KIF11: variants seen among roughly 807,000 people sequenced by gnomAD.
KIF11 encodes the protein kinesin-like protein KIF11.
In KIF11, 9 loss-of-function variants were observed where a neutral mutation model predicts 121.0. The ratio of observed to expected loss-of-function variants is 0.07; its 90% CI spans 0.04 to 0.13. KIF11 has a LOEUF of 0.13. Ranked by LOEUF, KIF11 falls within the 10% of genes least tolerant of loss-of-function variation. The probability of loss-of-function intolerance (pLI) is 1.00; values close to 1 mark genes in which losing one functional copy is unlikely to be tolerated. For synonymous variants in KIF11, 408 were observed against 421.0 expected, an observed-to-expected ratio of 0.97 and a Z score of 0.38; for missense variants, 846 against 1,217.5, an observed-to-expected ratio of 0.69 and a Z score of 4.54.
At chr10:92,602,833 T>TACACAC (rs770378243) in intron 1 of KIF11, among the ~76,000 whole-genome samples, 73 of 119,016 alleles carry the variant, frequency 6.1e-4, no homozygotes, top group African/African-American at 2.4e-3. Flanking sequence ...CACGTGTGTG[T>TACACAC]GTGTGTGTGT....
At chr10:92,640,309 C>CT (rs111724413) in intron 17 of KIF11, among the ~76,000 whole-genome samples, 13,391 of 152,302 alleles carry the variant, frequency 0.088, 677 homozygotes, top group Middle Eastern at 0.11. Context: ...CTTTGGCTGC[C>CT]TTTGCACTGC....
At chr10:92,628,715 A>G in intron 10 of KIF11, 93 bp from the exon 11 acceptor site, 1 of 612,306 alleles carries the variant, frequency 1.6e-6, no homozygotes, top group Non-Finnish European at 2.8e-6. Flanking sequence ...GTTGGAAATG[A>G]GTTTGTGTAG....
chr10:92,636,955 C>T (rs989032580), intron 14 of KIF11, among the ~76,000 whole-genome samples: 9 of 149,156 alleles, frequency 6.0e-5, no homozygotes, highest in Non-Finnish European at 1.2e-4. Context: ...ATCACTTGAA[C>T]CCAGGAGGCA....
chr10:92,599,670 T>C (rs1301658426), intron 1 of KIF11, among the ~76,000 whole-genome samples: 1 of 150,588 alleles, frequency 6.6e-6, no homozygotes, highest in African/African-American at 2.4e-5. Context: ...TTTTTTTTTT[T>C]TGAGATGGAG....
At chr10:92,608,459 G>C (rs997056515) in intron 4 of KIF11, among the ~76,000 whole-genome samples, 12 of 148,548 alleles carry the variant, frequency 8.1e-5, no homozygotes, top group African/African-American at 3.0e-4. Context: ...TTTTTTTTGA[G>C]ACGGAGTCTC....
chr10:92,621,276 G>A (rs1298027377), intron 9 of KIF11, 109 bp from the exon 10 acceptor site: 2 of 556,606 alleles, frequency 3.6e-6, no homozygotes, highest in Non-Finnish European at 6.4e-6. Flanking sequence ...ACTTCTTTAA[G>A]TTTTAAAAGA....
chr10:92,606,771 TTTG>T (rs1333816092), intron 3 of KIF11, 55 bp downstream of exon 3: 12 of 910,126 alleles, frequency 1.3e-5, no homozygotes, highest in Non-Finnish European at 2.2e-5. Context: ...GCTTGTGTTT[TTTG>T]TTGTTGTTTG....
At chr10:92,637,792 C>T (rs1844823371) in intron 16 of KIF11, among the ~76,000 whole-genome samples, 3 of 152,150 alleles carry the variant, frequency 2.0e-5, no homozygotes, top group Non-Finnish European at 4.4e-5. Flanking sequence ...GTCCTTTTCT[C>T]ACATCAAGAT....
chr10:92,606,449 T>C (rs766396764), intron 2 of KIF11, 52 bp downstream of exon 2: 11 of 1,446,552 alleles, frequency 7.6e-6, no homozygotes, highest in Non-Finnish European at 1.0e-5. Context: ...ATAATTTTAA[T>C]ATACATATTT....
intron 8 of KIF11, among the ~76,000 whole-genome samples, chr10:92,615,399 C>T (rs553041632): frequency 3.7e-4 from 56 of 151,964 alleles, no homozygotes; most frequent in African/African-American, 1.3e-3. Context: ...GAGTGAGACT[C>T]TGTCTCAAAA....
chr10:92,614,065 C>CACACACACACACATAT (rs1491391031), intron 8 of KIF11, among the ~76,000 whole-genome samples: 2 of 116,586 alleles, frequency 1.7e-5, no homozygotes, highest in African/African-American at 7.1e-5. Flanking sequence ...CACACACACA[C>CACACACACACACATAT]ATATAGTAGG....
intron 17 of KIF11, among the ~76,000 whole-genome samples, chr10:92,641,194 T>G (rs1202290477): frequency 6.6e-6 from 1 of 152,248 alleles, no homozygotes; most frequent in Non-Finnish European, 1.5e-5. Flanking sequence ...TTAAAAATTT[T>G]TATAAAACAT....
chr10:92,637,337 C>T (rs765551464), intron 15 of KIF11, 28 bp downstream of exon 15: 1 of 1,582,144 alleles, frequency 6.3e-7, no homozygotes, highest in African/African-American at 1.4e-5. Flanking sequence ...CTTAATATCT[C>T]AAAATTGATG....
intron 11 of KIF11, 37 bp from the exon 12 acceptor site, chr10:92,630,139 C>A (rs1844720607): frequency 9.3e-7 from 1 of 1,074,604 alleles, no homozygotes; most frequent in Non-Finnish European, 1.3e-6. Context: ...AGATATCCTA[C>A]CAGCCAGCTC....
chr10:92,615,798 T>G (rs920993835), intron 8 of KIF11, among the ~76,000 whole-genome samples: 2 of 152,140 alleles, frequency 1.3e-5, no homozygotes, highest in African/African-American at 4.8e-5. Context: ...TTATTCCTTT[T>G]TACAGGTGAA....
At chr10:92,647,299 C>T (rs1426900177) in intron 18 of KIF11, among the ~76,000 whole-genome samples, 1 of 151,786 alleles carries the variant, frequency 6.6e-6, no homozygotes, top group Non-Finnish European at 1.5e-5. Flanking sequence ...AAACAATAAC[C>T]TGTATATCAA....
At chr10:92,593,856 T>C (rs1844261327) in intron 1 of KIF11, among the ~76,000 whole-genome samples, 1 of 152,206 alleles carries the variant, frequency 6.6e-6, no homozygotes, top group South Asian at 2.1e-4. Flanking sequence ...GATGCAATAT[T>C]TTCTGCATCC....
At chr10:92,634,419 G>A (rs1218985059) in intron 14 of KIF11, among the ~76,000 whole-genome samples, 11 of 151,844 alleles carry the variant, frequency 7.2e-5, no homozygotes, top group African/African-American at 2.7e-4. Flanking sequence ...ATAGGCATGT[G>A]CCACCACGCC....
At chr10:92,651,699 T>C (rs1011113025) in intron 21 of KIF11, among the ~76,000 whole-genome samples, 2 of 151,418 alleles carry the variant, frequency 1.3e-5, no homozygotes, top group African/African-American at 4.8e-5. Flanking sequence ...GTTGAGAACA[T>C]AGTTGGTTTA....
Sources: allele counts gnomAD v4.1 joint callset (sites outside exome capture counted in the v4.1 genomes callset), GRCh38; gene constraint gnomAD v4.1.1; transcripts MANE v1.5; gene names NCBI Gene and HGNC (gene_info 2026-07-23, HGNC 2026-07-21).